SLC27A1: variants seen among roughly 807,000 people sequenced by gnomAD.
The protein encoded by SLC27A1 is long-chain fatty acid transport protein 1.
In SLC27A1, 61 loss-of-function variants were observed where a neutral mutation model predicts 62.2. That is an observed-to-expected ratio of 0.98 (90% CI 0.80 to 1.21). The LOEUF (loss-of-function observed/expected upper bound fraction) is 1.21, where lower values mean the gene tolerates loss of function less well. Among genes scored for constraint, SLC27A1 ranks in the 50% most tolerant of loss-of-function variants. SLC27A1 has a pLI of 0.00. For missense variants in SLC27A1, 903 were observed against 932.1 expected (o/e 0.97, Z 0.41); for synonymous variants, 435 against 408.6 (o/e 1.06, Z -0.78).
At position 17,474,923 on chromosome 19, in the gene SLC27A1, C is replaced by T. The variant is rs530649212; in HGVS notation, c.167+4216C>T. Among the ~76,000 whole-genome samples, 426 of 106,494 alleles carry T rather than the reference C, an allele frequency of 4.0e-3. 3 individuals carry two copies. The highest frequency in any genetic ancestry group is 0.016 in the African/African-American group (402 of 24,542). 69.9% of individuals were successfully genotyped at this position (106,494 alleles called of 152,430 possible). The stretch of plus-strand genomic sequence containing the variant: ...GGGATTACAGGTGTGAGCCACTGCG[C>T]CCTGTTTTTTTTTTGAGACGGAGTC... On this transcript the variant is annotated intron_variant, in intron 1 of 11. Coordinates refer to ENST00000252595, the MANE Select transcript of SLC27A1 (RefSeq NM_198580.3).
rs1159686374 is a variant in SLC27A1 at position 17,486,583 on chromosome 19, G to A, written c.188G>A (p.Arg63His). 6.3e-7 allele frequency: 1 copy of A among 1,590,862 alleles called. No homozygotes were observed. The change falls in exon 2 of 12, where the codon CGC becomes CAC. Residue 63 changes from arginine (R) to histidine (H), a missense_variant. By Grantham distance (29) the Arg-to-His change is conservative (BLOSUM62 0). Coordinates refer to ENST00000252595, the MANE Select transcript of SLC27A1 (RefSeq NM_198580.3). This position sits in a 1 kb window ranked among gnomAD's most constrained non-coding sequence, Gnocchi z 6.6. ...CCCAGCGGTCTCTCTGTGCTGATCC[G>A]CGTGCGCCTGGAGCTGCGGCGGCAC... ...RDLFGLSVLI[R>H]VRLELRRHQR...
chr19:17,481,652 C>T (rs1453909827), intron 1 of SLC27A1, among the ~76,000 whole-genome samples: 1 of 151,912 alleles, frequency 6.6e-6, no homozygotes, highest in Non-Finnish European at 1.5e-5. Context: ...TACAGGCTTG[C>T]GCCACTACCC....
upstream of SLC27A1, chr19:17,470,340 C>A: frequency 1.7e-6 from 1 of 580,108 alleles, no homozygotes; most frequent in Non-Finnish European, 2.8e-6. Context: ...TGGAAAGGGG[C>A]GATGCCTGGC....
Position 17,487,354 on chromosome 19 carries a change from C to A in SLC27A1, c.724+19C>A, listed in dbSNP as rs1410075276. ...ATGGACGGTGAGTCAAGGGTGGGAC[C>A]CCTGCTCTATCAACTGGTTTCCTAC... is the stretch of plus-strand genomic sequence containing the variant. On this transcript the variant is annotated intron_variant, in intron 3 of 11. Coordinates refer to ENST00000252595, the MANE Select transcript of SLC27A1 (RefSeq NM_198580.3). 1 of 1,595,438 alleles carries A rather than the reference C, an allele frequency of 6.3e-7. No homozygotes were observed. The highest frequency in any genetic ancestry group is 1.3e-5 in the African/African-American group (1 of 74,686).
Position 17,504,854 on chromosome 19 carries a change from CT to C in SLC27A1, c.*243del. 1.5e-6 allele frequency: 1 copy of C among 687,594 alleles called. No homozygotes were observed. Among genetic ancestry groups the C allele is most frequent in the Non-Finnish European group, 2.7e-6 (1 of 376,160 alleles). The allele number at this position is 687,594 out of a possible 1,614,324, so 42.6% of individuals were successfully genotyped here. On this transcript the variant is annotated 3_prime_UTR_variant, in exon 12 of 12. Transcript: ENST00000252595. ...CCTCTGTCTCCTTCCATCCCTGTCCCTGTCTGGCCTTAACTCTTCCCTCTTT... is the reference window on the plus strand; with the variant it reads ...CCTCTGTCTCCTTCCATCCCTGTCCCGTCTGGCCTTAACTCTTCCCTCTTT...
intron 1 of SLC27A1, among the ~76,000 whole-genome samples, chr19:17,470,925 G>A (rs117068586): frequency 0.016 from 2,442 of 151,200 alleles, 48 homozygotes; most frequent in East Asian, 0.086. Context: ...ACACTTTAAG[G>A]ATTTCTCGAG....
intron 7 of SLC27A1, chr19:17,497,774 T>G (rs768397821): frequency 2.5e-4 from 97 of 390,472 alleles, no homozygotes; most frequent in Non-Finnish European, 3.8e-4. Flanking sequence ...GTGTGGAGAT[T>G]AGCAAGGAGA....
intron 7 of SLC27A1, 112 bp downstream of exon 7, chr19:17,497,576 C>A: frequency 1.0e-6 from 1 of 1,000,466 alleles, no homozygotes; most frequent in Non-Finnish European, 1.5e-6. Context: ...GCGGAAGGCT[C>A]CGCCAAGGCG....
Position 17,500,702 on chromosome 19 carries a change from C to G in SLC27A1, c.1472-10C>G. ...ATCCTCCACCCATCTGCCCCTCTCCCCTCTGCCAGGTGACGTGCTAGTGAT... is the reference window on the plus strand; with the variant it reads ...ATCCTCCACCCATCTGCCCCTCTCCGCTCTGCCAGGTGACGTGCTAGTGAT... On this transcript the variant is annotated splice_polypyrimidine_tract_variant and intron_variant, in intron 9 of 11. Transcript: ENST00000252595. The G allele has an allele frequency of 1.9e-6, 3 of 1,614,112 alleles. No individual in the cohort carries two copies. The highest frequency in any genetic ancestry group is 2.5e-6 in the Non-Finnish European group (3 of 1,179,966).
At position 17,486,807 on chromosome 19, in the gene SLC27A1, C is replaced by T. The variant is rs1249381073; in HGVS notation, c.412C>T (p.Arg138Trp). The change falls in exon 2 of 12, where the codon CGG becomes TGG. Residue 138 changes from arginine (R) to tryptophan (W), a missense_variant. Coordinates refer to ENST00000252595, the MANE Select transcript of SLC27A1 (RefSeq NM_198580.3). The surrounding 1 kb of genome is among the most constrained non-coding windows in gnomAD (Gnocchi z 6.6). Reference sequence around the variant, plus strand: ...CGTGGTGGCCATCTTCCTGGAGGGCCGGCCGGAGTTCGTGGGGCTGTGGCT... The same window carrying T: ...CGTGGTGGCCATCTTCCTGGAGGGCTGGCCGGAGTTCGTGGGGCTGTGGCT... Reference protein sequence around the residue: ...GDVVAIFLEGRPEFVGLWLGL... With the variant: ...GDVVAIFLEGWPEFVGLWLGL... The T allele has an allele frequency of 1.3e-6, 2 of 1,597,344 alleles. No homozygotes were observed. The highest frequency in any genetic ancestry group is 1.3e-5 in the African/African-American group (1 of 74,834).
rs1410697144 is a variant in SLC27A1 at position 17,505,206 on chromosome 19, C to T, written c.*594C>T. 2 of 297,676 alleles carry T rather than the reference C, an allele frequency of 6.7e-6. No individual in the cohort carries two copies. Among genetic ancestry groups the T allele is most frequent in the Non-Finnish European group, 1.3e-5 (2 of 153,194 alleles). 18.4% of individuals were successfully genotyped at this position (297,676 alleles called of 1,614,324 possible). On this transcript the variant is annotated 3_prime_UTR_variant, in exon 12 of 12. Transcript: ENST00000252595. ...TCTGGCCCGGCCTTTCCTTTTTCCT[C>T]TCCTCTCCTGCCGAGAGTGGAACAC...
chr19:17,501,183 A>G, intron 10 of SLC27A1, 90 bp from the exon 11 acceptor site: 1 of 1,517,302 alleles, frequency 6.6e-7, no homozygotes. Flanking sequence ...TGGAGATTAC[A>G]GACCAGGGGC....
At position 17,497,522 on chromosome 19, in the gene SLC27A1, C is replaced by T. The variant is rs1370129367; in HGVS notation, c.1206+58C>T. ...GGAGTTCAGGGAAGACCACTGTCTC[C>T]TCTTCCTGGGGCCCCTGGGATACAT... On this transcript the variant is annotated intron_variant, in intron 7 of 11. Transcript: ENST00000252595. 4.1e-6 allele frequency: 6 copies of T among 1,470,260 alleles called. No homozygotes were observed. The Admixed American group carries it at 9.5e-5, about 23-fold the overall frequency. 91.1% of individuals were successfully genotyped at this position (1,470,260 alleles called of 1,614,324 possible). A position where few individuals can be genotyped will look rare whatever the true frequency, so the allele number is the denominator to read the frequency against.
chr19:17,480,547 T>TC (rs1455807445), intron 1 of SLC27A1, among the ~76,000 whole-genome samples: 1 of 145,612 alleles, frequency 6.9e-6, no homozygotes, highest in East Asian at 2.0e-4. Context: ...TTTTCTTTTT[T>TC]TTTTTTTTTT....
chr19:17,500,104 C>A, intron 7 of SLC27A1, 174 bp from the exon 8 acceptor site: 1 of 986,046 alleles, frequency 1.0e-6, no homozygotes, highest in East Asian at 2.6e-5. Context: ...GGAGGAGGGG[C>A]CCTGAGTTGG....
intron 1 of SLC27A1, among the ~76,000 whole-genome samples, chr19:17,481,529 G>T (rs1243997192): frequency 1.3e-5 from 2 of 151,774 alleles, no homozygotes; most frequent in East Asian, 1.9e-4. Flanking sequence ...CTGAGATAGG[G>T]TCTCACTCCC....
chr19:17,480,721 C>G (rs1355716407), intron 1 of SLC27A1, among the ~76,000 whole-genome samples: 1 of 151,696 alleles, frequency 6.6e-6, no homozygotes, highest in East Asian at 1.9e-4. Flanking sequence ...GTTGCACGTG[C>G]TGGTTTGTTG....
intron 4 of SLC27A1, 32 bp downstream of exon 4, chr19:17,487,561 C>T (rs759661076): frequency 8.1e-6 from 13 of 1,601,116 alleles, no homozygotes; most frequent in South Asian, 4.5e-5. Context: ...TGCCCTCAGC[C>T]GCTGAGAGTG....
At chr19:17,488,369 CAAAT>C (rs1319060626) in intron 4 of SLC27A1, among the ~76,000 whole-genome samples, 1 of 152,112 alleles carries the variant, frequency 6.6e-6, no homozygotes, top group Non-Finnish European at 1.5e-5. Context: ...AAAAAAGAAA[CAAAT>C]AACAAACAAA....
Sources: gnomAD v4.1 joint callset for allele counts (sites outside exome capture counted in the v4.1 genomes callset) on GRCh38, gnomAD v4.1.1 for gene constraint, Gnocchi (gnomAD v3.1) non-coding constraint, MANE v1.5 for transcripts, NCBI Gene and HGNC (gene_info 2026-07-23, HGNC 2026-07-21) for gene names.